The following DMD variants were observed in gnomAD, a reference collection of about 807,000 sequenced individuals.
The protein encoded by DMD is mutant dystrophin.
Under a neutral mutation model 330.1 loss-of-function variants are expected in DMD, and 63 were observed. The ratio of observed to expected loss-of-function variants is 0.19; its 90% CI spans 0.16 to 0.24. DMD has a LOEUF of 0.24. DMD is among the 10% of genes least tolerant of loss of function. The pLI is 1.00. For synonymous variants in DMD, 1,223 were observed against 959.8 expected (o/e 1.27, Z -5.07); for missense variants, 3,344 against 2,684.1 (o/e 1.25, Z -5.43).
intron 2 of DMD, among the ~76,000 whole-genome samples, chrX:32,902,158 A>ACAC (rs2086311170): frequency 1.7e-4 from 15 of 86,624 alleles, no homozygotes; most frequent in South Asian, 1.3e-3. Flanking sequence ...CACACACACA[A>ACAC]ACACACACAC....
intron 2 of DMD, among the ~76,000 whole-genome samples, chrX:33,015,088 A>G (rs1431293959): frequency 8.9e-6 from 1 of 111,743 alleles, no homozygotes; most frequent in Admixed American, 9.6e-5. Flanking sequence ...GAGTTAAACC[A>G]TTGTGGAAGT....
chrX:31,256,066 G>A (rs778527732), intron 63 of DMD, among the ~76,000 whole-genome samples: 1 of 109,920 alleles, frequency 9.1e-6, no homozygotes, highest in African/African-American at 3.3e-5. Flanking sequence ...GTGAGCCACC[G>A]TGCCCAGCCC....
At chrX:32,432,611 G>A (rs1041873398) in intron 29 of DMD, among the ~76,000 whole-genome samples, 4 of 111,736 alleles carry the variant, frequency 3.6e-5, no homozygotes, top group African/African-American at 1.3e-4. Context: ...AGCAAATGTG[G>A]GATTTAAGTT....
chrX:32,215,550 T>G (rs1220962716), intron 44 of DMD, among the ~76,000 whole-genome samples: 2 of 111,858 alleles, frequency 1.8e-5, no homozygotes, highest in Non-Finnish European at 3.8e-5. Context: ...GAGGTACTTT[T>G]ACAAATTTCT....
At chrX:32,076,060 A>C (rs1197751507) in intron 44 of DMD, among the ~76,000 whole-genome samples, 1 of 71,332 alleles carries the variant, frequency 1.4e-5, no homozygotes, top group African/African-American at 6.2e-5. Context: ...CTCAAAAAAA[A>C]AAAAAAAAAA....
chrX:32,173,396 C>T (rs891264167), intron 44 of DMD, among the ~76,000 whole-genome samples: 6 of 110,792 alleles, frequency 5.4e-5, no homozygotes, highest in Admixed American at 9.7e-5. Context: ...ATTATTGAGA[C>T]GGAGTCTAGC....
At chrX:32,659,419 T>A (rs983607389) in intron 9 of DMD, among the ~76,000 whole-genome samples, 3 of 111,520 alleles carry the variant, frequency 2.7e-5, no homozygotes, top group Non-Finnish European at 3.8e-5. Context: ...TTCTTGGGCA[T>A]CTATAGTGCT....
chrX:31,965,151 G>C (rs184001890), intron 45 of DMD, among the ~76,000 whole-genome samples: 1 of 111,203 alleles, frequency 9.0e-6, no homozygotes, highest in Non-Finnish European at 1.9e-5. Flanking sequence ...AGAACCCCTC[G>C]ACTGGTATGT....
intron 30 of DMD, among the ~76,000 whole-genome samples, chrX:32,397,504 T>C (rs748979466): frequency 2.7e-5 from 3 of 111,971 alleles, no homozygotes; most frequent in South Asian, 3.7e-4. Context: ...CTTTCCATTA[T>C]ATTAAAAAAG....
intron 29 of DMD, among the ~76,000 whole-genome samples, chrX:32,435,298 T>TATATATATATATATATATATATATA (rs1158324376): frequency 1.1e-4 from 7 of 61,669 alleles, no homozygotes; most frequent in Non-Finnish European, 2.4e-4. Context: ...ATATATATAT[T>TATATATATATATATATATATATATA]TACACCCATA....
intron 1 of DMD, among the ~76,000 whole-genome samples, chrX:33,031,276 G>T (rs1225636290): frequency 2.9e-5 from 3 of 102,628 alleles, no homozygotes; most frequent in Non-Finnish European, 5.9e-5. Flanking sequence ...ATAAACGAGG[G>T]ACAGAAGTCT....
intron 48 of DMD, among the ~76,000 whole-genome samples, chrX:31,846,743 C>A (rs1439584629): frequency 9.0e-6 from 1 of 111,245 alleles, no homozygotes; most frequent in Non-Finnish European, 1.9e-5. Flanking sequence ...CTATCCACTC[C>A]ATATTCTTCA....
At chrX:31,768,307 C>T (rs911456019) in intron 51 of DMD, among the ~76,000 whole-genome samples, 1 of 111,009 alleles carries the variant, frequency 9.0e-6, no homozygotes, top group Non-Finnish European at 1.9e-5. Flanking sequence ...TCATATTTCC[C>T]CCTCCACCTT....
intron 44 of DMD, among the ~76,000 whole-genome samples, chrX:32,045,649 A>G (rs1465288976): frequency 9.0e-6 from 1 of 111,685 alleles, no homozygotes; most frequent in Non-Finnish European, 1.9e-5. Flanking sequence ...TTCCTATTGT[A>G]TCTACTCTTT....
chrX:32,739,726 T>G (rs6653884), intron 7 of DMD, among the ~76,000 whole-genome samples: 2,829 of 111,159 alleles, frequency 0.025, 87 homozygotes, highest in African/African-American at 0.088. Flanking sequence ...TTGTGGAATC[T>G]TAAGAGAAGA....
chrX:31,893,270 C>T (rs965944863), intron 47 of DMD, among the ~76,000 whole-genome samples: 5 of 111,408 alleles, frequency 4.5e-5, no homozygotes, highest in African/African-American at 1.3e-4. Context: ...CAAGGTGTCC[C>T]CAGTGTGTTT....
Position 31,357,748 on chromosome X carries a change from G to A in DMD, c.9085-9114C>T, listed in dbSNP as rs771258286. ...CCAGAAGACCCTGTTTCCACTTCCC[G>A]GCTCTCCTCCTCTGGCAAGTGACTG... On this transcript the variant is annotated intron_variant, in intron 60 of 78. Transcript: ENST00000357033. Among the ~76,000 whole-genome samples, 14 of 111,181 alleles carry A rather than the reference G, an allele frequency of 1.3e-4. No homozygotes were observed. In the East Asian group the frequency reaches 4.0e-3, roughly 31 times the overall value.
intron 7 of DMD, among the ~76,000 whole-genome samples, chrX:32,771,149 A>T (rs1340676552): frequency 8.9e-6 from 1 of 112,233 alleles, no homozygotes; most frequent in African/African-American, 3.2e-5. Flanking sequence ...AATTTTGATT[A>T]CAAAGTTACT....
At chrX:33,010,309 CATAT>C (rs905390144) in intron 2 of DMD, among the ~76,000 whole-genome samples, 5 of 104,484 alleles carry the variant, frequency 4.8e-5, no homozygotes, top group Non-Finnish European at 5.9e-5. Context: ...TATATATGTA[CATAT>C]ATGTGTATAA....
Sources: gnomAD v4.1 joint callset for allele counts (sites outside exome capture counted in the v4.1 genomes callset) on GRCh38, gnomAD v4.1.1 for gene constraint, MANE v1.5 for transcripts, NCBI Gene and HGNC (gene_info 2026-07-23, HGNC 2026-07-21) for gene names.